The following DMD variants were observed in gnomAD, a reference collection of about 807,000 sequenced individuals.
DMD encodes the protein dystrophin.
DMD carries 63 observed loss-of-function variants against 330.1 expected under a neutral mutation model. The observed-to-expected ratio is 0.19, with a 90% CI of 0.16 to 0.24. The LOEUF (loss-of-function observed/expected upper bound fraction) is 0.24, where lower values mean the gene tolerates loss of function less well. Among genes scored for constraint, DMD ranks in the 10% least tolerant of loss-of-function variants. DMD has a pLI of 1.00. For synonymous variants in DMD, 1,223 were observed against 959.8 expected (o/e 1.27, Z -5.07); for missense variants, 3,344 against 2,684.1 (o/e 1.25, Z -5.43).
chrX:32,649,937 G>T (rs899976314), intron 9 of DMD, among the ~76,000 whole-genome samples: 2 of 111,553 alleles, frequency 1.8e-5, no homozygotes, highest in African/African-American at 6.5e-5. Flanking sequence ...AAAATGCTAA[G>T]CACATTCTAG....
At chrX:33,180,273 T>TTC (rs752881243) in intron 1 of DMD, among the ~76,000 whole-genome samples, 1 of 112,404 alleles carries the variant, frequency 8.9e-6, no homozygotes, top group East Asian at 2.8e-4. Flanking sequence ...TCAAACATGC[T>TTC]TCTGTTTATA....
chrX:33,217,981 G>T (rs1387676401), intron 1 of DMD, among the ~76,000 whole-genome samples: 2 of 111,028 alleles, frequency 1.8e-5, no homozygotes, highest in Non-Finnish European at 3.8e-5. Flanking sequence ...ATAATAGTAG[G>T]GCTGAAAGCA....
rs964105512 is a variant in DMD at position 32,092,398 on chromosome X, G to A, written c.6439-123884C>T. The stretch of plus-strand genomic sequence containing the variant: ...CTGGGTCTCTTTCTCTTTCAGTACC[G>A]CAGAGAAAAAGATACAATGGAAGCA... On this transcript the variant is annotated intron_variant, in intron 44 of 78. Transcript: ENST00000357033. Among the ~76,000 whole-genome samples the A allele has an allele frequency of 7.2e-5, 8 of 111,777 alleles. No individual in the cohort carries two copies. In the East Asian group the frequency reaches 8.4e-4, roughly 12 times the overall value.
chrX:33,247,979 A>G (rs2052696680), intron 1 of DMD, among the ~76,000 whole-genome samples: 3 of 112,140 alleles, frequency 2.7e-5, no homozygotes, highest in African/African-American at 9.7e-5. Flanking sequence ...AGTGATTGCC[A>G]TACTGTAAGA....
rs185309043 is a variant in DMD, at chrX:32,743,160, G to A, written c.650-43867C>T. Among the ~76,000 whole-genome samples the A allele has an allele frequency of 6.3e-3, 705 of 111,342 alleles. 7 individuals are homozygous for A. Among genetic ancestry groups the A allele is most frequent in the Admixed American group, 0.027 (282 of 10,460 alleles). On this transcript the variant is annotated intron_variant, in intron 7 of 78. Coordinates refer to ENST00000357033, the MANE Select transcript of DMD (RefSeq NM_004006.3). The stretch of plus-strand genomic sequence containing the variant: ...AGGGAGTGAATGCACAGCCCCTCCC[G>A]GGATCTGCCAACAGATGACCAGCAG...
chrX:32,087,204 T>C (rs1184891665), intron 44 of DMD, among the ~76,000 whole-genome samples: 1 of 111,825 alleles, frequency 8.9e-6, no homozygotes, highest in African/African-American at 3.3e-5. Flanking sequence ...GAAACGTACA[T>C]GTAATTGAGA....
chrX:33,248,064 T>G (rs1028920326), intron 1 of DMD, among the ~76,000 whole-genome samples: 1 of 111,490 alleles, frequency 9.0e-6, no homozygotes, highest in African/African-American at 3.3e-5. Context: ...TTTTTTGAGA[T>G]GGAGCCTCGC....
At position 31,968,657 on chromosome X, in the gene DMD, C is replaced by T. The variant is rs3761605; in HGVS notation, c.6439-143G>A. 0.35 allele frequency: 225,810 copies of T among 653,142 alleles called. 27,094 individuals are homozygous for T. The highest frequency in any genetic ancestry group is 0.5 in the East Asian group (13,983 of 28,045). The allele number at this position is 653,142 out of a possible 1,213,427, so 53.8% of individuals were successfully genotyped here. A position where few individuals can be genotyped will look rare whatever the true frequency, so the allele number is the denominator to read the frequency against. On this transcript the variant is annotated intron_variant, in intron 44 of 78. Coordinates refer to ENST00000357033, the MANE Select transcript of DMD (RefSeq NM_004006.3). Reference sequence around the variant, plus strand: ...TCCATGTGAAAATTTCCCTATGAAACTGACATGCCCATATCCAAAGGATAC... The same window carrying T: ...TCCATGTGAAAATTTCCCTATGAAATTGACATGCCCATATCCAAAGGATAC...
chrX:32,960,027 A>C (rs1293300551), intron 2 of DMD, among the ~76,000 whole-genome samples: 1 of 111,553 alleles, frequency 9.0e-6, no homozygotes, highest in African/African-American at 3.3e-5. Flanking sequence ...AGACTCAACA[A>C]ATAGGATTTA....
chrX:32,764,790 G>A (rs1405059812), intron 7 of DMD, among the ~76,000 whole-genome samples: 1 of 111,038 alleles, frequency 9.0e-6, no homozygotes, highest in African/African-American at 3.3e-5. Flanking sequence ...CAATTCTTTT[G>A]AGTATATTCC....
chrX:31,765,816 G>T (rs949983193), intron 51 of DMD, among the ~76,000 whole-genome samples: 1 of 110,929 alleles, frequency 9.0e-6, no homozygotes, highest in Non-Finnish European at 1.9e-5. Context: ...TATTACTCTA[G>T]TGTCTCTTTC....
intron 1 of DMD, among the ~76,000 whole-genome samples, chrX:33,079,290 G>A (rs928049967): frequency 7.2e-5 from 8 of 111,568 alleles, no homozygotes; most frequent in African/African-American, 1.3e-4. Flanking sequence ...GGGATTACAG[G>A]CATGAGCCAC....
chrX:31,741,278 AT>A (rs1346545202), intron 51 of DMD, among the ~76,000 whole-genome samples: 1 of 111,537 alleles, frequency 9.0e-6, no homozygotes, highest in Admixed American at 9.5e-5. Flanking sequence ...CCTCCCCTCA[AT>A]CATGAATTTT....
At chrX:31,482,797 T>C (rs1364230112) in intron 57 of DMD, among the ~76,000 whole-genome samples, 1 of 111,564 alleles carries the variant, frequency 9.0e-6, no homozygotes. Flanking sequence ...CTTTTTAGCA[T>C]AGGAATGATT....
intron 13 of DMD, among the ~76,000 whole-genome samples, chrX:32,581,793 C>T (rs867554858): frequency 9.0e-6 from 1 of 111,366 alleles, no homozygotes; most frequent in Middle Eastern, 4.6e-3. Flanking sequence ...CTTTCATGGA[C>T]GTAAAGGAAA....
intron 1 of DMD, among the ~76,000 whole-genome samples, chrX:33,262,473 T>G (rs980383584): frequency 2.7e-5 from 3 of 111,067 alleles, no homozygotes; most frequent in Non-Finnish European, 3.8e-5. Flanking sequence ...AAGAAAGTTT[T>G]GAAGAAAAAC....
At chrX:32,639,014 A>G (rs1322331366) in intron 11 of DMD, among the ~76,000 whole-genome samples, 1 of 111,467 alleles carries the variant, frequency 9.0e-6, no homozygotes, top group Non-Finnish European at 1.9e-5. Context: ...GATACTATTC[A>G]TATCTCTCCT....
intron 53 of DMD, among the ~76,000 whole-genome samples, chrX:31,673,311 G>A (rs772332171): frequency 2.7e-5 from 3 of 112,086 alleles, no homozygotes; most frequent in Non-Finnish European, 5.6e-5. Flanking sequence ...TAATTCCCAG[G>A]GTTCAGAAAA....
chrX:31,432,179 C>T (rs778914122), intron 60 of DMD, among the ~76,000 whole-genome samples: 9 of 111,874 alleles, frequency 8.0e-5, no homozygotes, highest in Admixed American at 1.9e-4. Context: ...TTTGAAAGTA[C>T]CCTTTCTATT....
Sources: allele counts gnomAD v4.1 joint callset (sites outside exome capture counted in the v4.1 genomes callset), GRCh38; gene constraint gnomAD v4.1.1; transcripts MANE v1.5; gene names NCBI Gene and HGNC (gene_info 2026-07-23, HGNC 2026-07-21).